SDK2: variants seen among roughly 807,000 people sequenced by gnomAD.
SDK2 encodes protein sidekick-2.
SDK2 carries 105 observed loss-of-function variants against 253.9 expected under a neutral mutation model. The observed-to-expected ratio is 0.41, with a 90% CI of 0.35 to 0.49. The LOEUF is 0.49. Among genes scored for constraint, SDK2 ranks in the 20% least tolerant of loss-of-function variants. SDK2 has a pLI of 0.06. For synonymous variants in SDK2, 1,249 were observed against 1,234.9 expected, an observed-to-expected ratio of 1.01 and a Z score of -0.24; for missense variants, 2,608 against 3,003.0, an observed-to-expected ratio of 0.87 and a Z score of 3.07.
intron 1 of SDK2, among the ~76,000 whole-genome samples, chr17:73,562,278 T>C (rs2045247344): frequency 1.3e-5 from 2 of 152,230 alleles, no homozygotes; most frequent in Admixed American, 6.5e-5. Context: ...CCCATCTTTA[T>C]CGGACGTTTT....
At chr17:73,569,926 T>G (rs926550105) in intron 1 of SDK2, among the ~76,000 whole-genome samples, 1 of 151,968 alleles carries the variant, frequency 6.6e-6, no homozygotes, top group Non-Finnish European at 1.5e-5. Context: ...ATGGGGGTGA[T>G]AAAAGCGGCC....
At chr17:73,423,312 G>T in intron 14 of SDK2, 74 bp downstream of exon 14, 1 of 1,282,732 alleles carries the variant, frequency 7.8e-7, no homozygotes, top group Non-Finnish European at 1.0e-6. Flanking sequence ...AGGAGAGCTG[G>T]GACCCCAGCC....
At chr17:73,403,424 C>T (rs1024468052) in intron 18 of SDK2, among the ~76,000 whole-genome samples, 5 of 152,018 alleles carry the variant, frequency 3.3e-5, no homozygotes, top group African/African-American at 4.8e-5. Context: ...ACCTGGCCCC[C>T]GCCCCCTCCC....
At chr17:73,568,387 T>C (rs2045336978) in intron 1 of SDK2, among the ~76,000 whole-genome samples, 1 of 152,176 alleles carries the variant, frequency 6.6e-6, no homozygotes, top group Non-Finnish European at 1.5e-5. Context: ...GTGAGCCAAA[T>C]ACACGTCTCT....
chr17:73,422,491 T>G (rs2063241096), intron 14 of SDK2, 57 bp from the exon 15 acceptor site: 5 of 1,575,622 alleles, frequency 3.2e-6, no homozygotes, highest in Non-Finnish European at 4.4e-6. Flanking sequence ...GAAGCATGCT[T>G]CTTACTCCCC....
intron 44 of SDK2, among the ~76,000 whole-genome samples, chr17:73,339,528 A>C (rs75968719): frequency 1.1e-4 from 2 of 18,730 alleles, no homozygotes; most frequent in East Asian, 4.1e-3. Context: ...GGCAAATTTT[A>C]TTTTCTTTCC....
chr17:73,483,512 T>TGA (rs201560357), intron 2 of SDK2, among the ~76,000 whole-genome samples: 9,857 of 57,652 alleles, frequency 0.17, 512 homozygotes, highest in Admixed American at 0.22. Flanking sequence ...TGTGTGTGTA[T>TGA]GTGTGTGTGT....
intron 36 of SDK2, among the ~76,000 whole-genome samples, chr17:73,378,728 A>G (rs1412139597): frequency 6.6e-6 from 1 of 152,120 alleles, no homozygotes; most frequent in Non-Finnish European, 1.5e-5. Context: ...CCTAGAAATG[A>G]TTTTTAAACA....
At position 73,612,917 on chromosome 17, in the gene SDK2, AAAT is replaced by A. The variant is rs367745115; in HGVS notation, c.64+31105_64+31107del. 5.9e-4 allele frequency among the ~76,000 whole-genome samples: 89 copies of A among 151,484 alleles called. No individual in the cohort carries two copies. The East Asian group carries it at 0.01, about 18-fold the overall frequency. On this transcript the variant is annotated intron_variant, in intron 1 of 44. Coordinates refer to ENST00000392650, the MANE Select transcript of SDK2 (RefSeq NM_001144952.2). This position sits in a 1 kb window ranked among gnomAD's most constrained non-coding sequence, Gnocchi z 4.4. ...GGGTGACAGAGCGAGACTCCGTCTC[AAAT>A]AATAATAATAATAATAATAGTAATG...
chr17:73,508,461 C>G (rs549340321), intron 1 of SDK2, among the ~76,000 whole-genome samples: 1 of 152,064 alleles, frequency 6.6e-6, no homozygotes, highest in African/African-American at 2.4e-5. Context: ...ATGGGAGAGA[C>G]GGAGGGAAGG....
rs2063356595 is a variant in SDK2, at chr17:73,435,079, G to T, written c.1195+371C>A. ...CCAGTTTTCTTCTTTGGAAACATGAGCAGGTCTTCTGGAATGGGGTTACTC... is the reference window on the plus strand; with the variant it reads ...CCAGTTTTCTTCTTTGGAAACATGATCAGGTCTTCTGGAATGGGGTTACTC... On this transcript the variant is annotated intron_variant, in intron 9 of 44. Transcript: ENST00000392650. The surrounding 1 kb of genome is among the most constrained non-coding windows in gnomAD (Gnocchi z 5.7). 5.3e-5 allele frequency among the ~76,000 whole-genome samples: 8 copies of T among 152,306 alleles called. No individual in the cohort carries two copies. The South Asian group carries it at 1.7e-3, about 32-fold the overall frequency.
intron 4 of SDK2, among the ~76,000 whole-genome samples, chr17:73,448,313 A>G (rs1230302958): frequency 6.6e-6 from 1 of 152,176 alleles, no homozygotes; most frequent in Non-Finnish European, 1.5e-5. Context: ...TCACCTGGTG[A>G]CATCAACTTC....
In SDK2 at chr17:73,379,406, G is replaced by A. The variant is rs1276280046; in HGVS notation, c.4864+42C>T. On this transcript the variant is annotated intron_variant, in intron 35 of 44. Transcript: ENST00000392650. This position sits in a 1 kb window ranked among gnomAD's most constrained non-coding sequence, Gnocchi z 4.5. ...TCTTCCAGCTGAACTGGGTGGGGCT[G>A]GGAAAGGCATGCTGGGGCCGGACAG... 3 of 1,544,692 alleles carry A rather than the reference G, an allele frequency of 1.9e-6. No individual in the cohort carries two copies. The highest frequency in any genetic ancestry group is 1.4e-5 in the African/African-American group (1 of 73,732).
chr17:73,597,846 T>C (rs1054337991), intron 1 of SDK2, among the ~76,000 whole-genome samples: 2 of 152,012 alleles, frequency 1.3e-5, no homozygotes, highest in Non-Finnish European at 2.9e-5. Flanking sequence ...GGGGTTTCAC[T>C]GTGTCAGCCA....
At chr17:73,438,803 C>T (rs567626466) in intron 6 of SDK2, among the ~76,000 whole-genome samples, 4 of 152,120 alleles carry the variant, frequency 2.6e-5, no homozygotes, top group African/African-American at 7.2e-5. Flanking sequence ...TCCCTGAGGA[C>T]GGATCTTCCA....
intron 1 of SDK2, among the ~76,000 whole-genome samples, chr17:73,551,773 TCC>T (rs2045063288): frequency 6.6e-6 from 1 of 151,972 alleles, no homozygotes; most frequent in Non-Finnish European, 1.5e-5. Context: ...TCCCTAGTTG[TCC>T]CCCTAAGGGC....
At chr17:73,492,899 A>T (rs2063816478) in intron 2 of SDK2, among the ~76,000 whole-genome samples, 1 of 152,064 alleles carries the variant, frequency 6.6e-6, no homozygotes, top group African/African-American at 2.4e-5. Flanking sequence ...GTCTGTCTAG[A>T]CCATTTGCCT....
intron 1 of SDK2, among the ~76,000 whole-genome samples, chr17:73,578,591 G>C (rs2045490017): frequency 6.6e-6 from 1 of 152,242 alleles, no homozygotes; most frequent in East Asian, 1.9e-4. Context: ...GAGCTGGGAG[G>C]ACATGGTTCT....
intron 12 of SDK2, among the ~76,000 whole-genome samples, chr17:73,428,281 G>T (rs2063299473): frequency 6.6e-6 from 1 of 152,116 alleles, no homozygotes; most frequent in Admixed American, 6.5e-5. Context: ...GGACAGGATG[G>T]TCTCCATCTC....
Sources: gnomAD v4.1 joint callset for allele counts (sites outside exome capture counted in the v4.1 genomes callset) on GRCh38, gnomAD v4.1.1 for gene constraint, Gnocchi (gnomAD v3.1) non-coding constraint, MANE v1.5 for transcripts, NCBI Gene and HGNC (gene_info 2026-07-23, HGNC 2026-07-21) for gene names.